Variants in GLMN observed in about 807,000 individuals in gnomAD.
The protein encoded by GLMN is glomulin, FKBP associated protein.
A neutral mutation model predicts 87.8 loss-of-function variants in GLMN; 75 were observed. The observed-to-expected ratio is 0.85, with a 90% CI of 0.71 to 1.04. GLMN has a LOEUF of 1.04. Among genes scored for constraint, GLMN ranks in the 50% least tolerant of loss-of-function variants. The pLI is 0.00. For missense variants in GLMN, 588 were observed against 658.8 expected, an observed-to-expected ratio of 0.89 and a Z score of 1.18; for synonymous variants, 206 against 221.6, an observed-to-expected ratio of 0.93 and a Z score of 0.63.
At chr1:92,259,899 A>T (rs982479312) in intron 16 of GLMN, among the ~76,000 whole-genome samples, 1 of 151,682 alleles carries the variant, frequency 6.6e-6, no homozygotes, top group African/African-American at 2.4e-5. Context: ...ATGCCTGGCT[A>T]ATTTTGTTTG....
the GLMN span, chr1:92,323,819 C>A: frequency 8.1e-6 from 13 of 1,613,906 alleles, no homozygotes; most frequent in East Asian, 2.7e-4. Context: ...ACTCAGAGTT[C>A]TTCAAATAGC....
the GLMN span, among the ~76,000 whole-genome samples, chr1:92,348,264 T>G: frequency 6.6e-6 from 1 of 152,210 alleles, no homozygotes; most frequent in South Asian, 2.1e-4. Flanking sequence ...CTTCTCTCTT[T>G]CGTTATGCCC....
the GLMN span, among the ~76,000 whole-genome samples, chr1:92,329,221 G>A: frequency 6.6e-6 from 1 of 152,210 alleles, no homozygotes; most frequent in Admixed American, 6.5e-5. Flanking sequence ...GAGCTCCCAA[G>A]AGATTAAGTC....
upstream of GLMN, chr1:92,300,361 G>T: frequency 5.5e-6 from 4 of 733,684 alleles, no homozygotes; most frequent in Admixed American, 2.4e-5. Flanking sequence ...AGAGGGAAGG[G>T]AAAGATCTGG....
the GLMN span, chr1:92,323,595 C>T: frequency 1.9e-6 from 3 of 1,614,016 alleles, no homozygotes; most frequent in Admixed American, 1.7e-5. Context: ...ACTTTGTTTC[C>T]TCCATTCTAC....
At chr1:92,303,649 T>C (rs1323112428), upstream of GLMN, among the ~76,000 whole-genome samples, 2 of 152,210 alleles carry the variant, frequency 1.3e-5, no homozygotes, top group Non-Finnish European at 1.5e-5. Context: ...TAAAAGATAC[T>C]GTTGTCATTT....
the GLMN span, among the ~76,000 whole-genome samples, chr1:92,347,589 A>G: frequency 6.6e-6 from 1 of 152,332 alleles, no homozygotes; most frequent in Admixed American, 6.5e-5. Flanking sequence ...GCCACATCTT[A>G]TCTAAAATAT....
At position 92,280,368 on chromosome 1, in the gene GLMN, G is replaced by C. The variant is rs553962385; in HGVS notation, c.735+6122C>G. Reference sequence around the variant, plus strand: ...TCTAGCAAACTCCAACATACCTGCAGCTGAGAGGTCTGTTAGAAGGAAAAC... The same window carrying C: ...TCTAGCAAACTCCAACATACCTGCACCTGAGAGGTCTGTTAGAAGGAAAAC... On this transcript the variant is annotated intron_variant, in intron 7 of 18. Coordinates refer to ENST00000370360, the MANE Select transcript of GLMN (RefSeq NM_053274.3). Among the ~76,000 whole-genome samples, 22 of 152,296 alleles carry C rather than the reference G, an allele frequency of 1.4e-4. No homozygotes were observed. In the East Asian group the frequency reaches 4.1e-3, roughly 28 times the overall value.
upstream of GLMN, chr1:92,300,128 G>C (rs1240576833): frequency 1.8e-6 from 2 of 1,091,818 alleles, no homozygotes; most frequent in Non-Finnish European, 2.8e-6. Context: ...TGAGACCGCT[G>C]TCTGTATGCT....
chr1:92,331,323 A>G, the GLMN span, among the ~76,000 whole-genome samples: 1 of 152,234 alleles, frequency 6.6e-6, no homozygotes, highest in South Asian at 2.1e-4. Context: ...AATTTAATCT[A>G]TTTGCATTTC....
intron 14 of GLMN, 141 bp downstream of exon 14, chr1:92,264,412 TA>T (rs1655377760): frequency 1.7e-6 from 1 of 589,468 alleles, no homozygotes; most frequent in African/African-American, 2.1e-5. Context: ...ATAGTAGAAA[TA>T]GGGGAAAAAA....
intron 2 of GLMN, 38 bp from the exon 3 acceptor site, chr1:92,297,567 A>G: frequency 6.6e-7 from 1 of 1,512,556 alleles, no homozygotes; most frequent in Non-Finnish European, 9.1e-7. Flanking sequence ...ACAAACAAAA[A>G]AAAGTATATG....
intron 7 of GLMN, among the ~76,000 whole-genome samples, chr1:92,280,240 G>A (rs1362911670): frequency 6.6e-6 from 1 of 152,202 alleles, no homozygotes; most frequent in Non-Finnish European, 1.5e-5. Context: ...ACAGGCGGGT[G>A]CCCCTCTGGG....
the GLMN span, among the ~76,000 whole-genome samples, chr1:92,321,929 A>G: frequency 6.6e-6 from 1 of 150,876 alleles, no homozygotes. Context: ...AGAAACCGAT[A>G]ATGAAATTTT....
chr1:92,329,551 C>T, the GLMN span, among the ~76,000 whole-genome samples: 2 of 152,200 alleles, frequency 1.3e-5, no homozygotes, highest in Non-Finnish European at 2.9e-5. Context: ...AGCTGACTCA[C>T]AGTTCCTTGC....
At chr1:92,320,560 G>T in the GLMN span, 3 of 1,596,122 alleles carry the variant, frequency 1.9e-6, no homozygotes, top group Non-Finnish European at 2.6e-6. Context: ...ATGAGCCACC[G>T]CACCCGGCCT....
the GLMN span, among the ~76,000 whole-genome samples, chr1:92,318,200 T>A: frequency 6.6e-6 from 1 of 152,346 alleles, no homozygotes; most frequent in Non-Finnish European, 1.5e-5. Flanking sequence ...CCAGTCATAC[T>A]TTTTTTCTAT....
chr1:92,320,071 C>G, the GLMN span, among the ~76,000 whole-genome samples: 9 of 151,574 alleles, frequency 5.9e-5, no homozygotes, highest in African/African-American at 2.2e-4. Context: ...TAAAGGAGTT[C>G]ATGATTAATT....
chr1:92,263,226 T>C (rs1426322481), intron 15 of GLMN, among the ~76,000 whole-genome samples: 5 of 152,030 alleles, frequency 3.3e-5, no homozygotes, highest in Non-Finnish European at 7.4e-5. Context: ...TTTCTCAATA[T>C]CCATTCCAGT....
Sources: allele counts gnomAD v4.1 joint callset (sites outside exome capture counted in the v4.1 genomes callset), GRCh38; gene constraint gnomAD v4.1.1; transcripts MANE v1.5; gene names NCBI Gene and HGNC (gene_info 2026-07-23, HGNC 2026-07-21).